FTO: variants seen among roughly 807,000 people sequenced by gnomAD.
The protein encoded by FTO is FTO alpha-ketoglutarate dependent dioxygenase.
A neutral mutation model predicts 63.9 loss-of-function variants in FTO; 47 were observed. The observed-to-expected ratio is 0.74, with a 90% CI of 0.58 to 0.94. FTO has a LOEUF of 0.94. FTO is among the 40% of genes least tolerant of loss of function. The probability of loss-of-function intolerance (pLI) is 0.00; values close to 1 mark genes in which losing one functional copy is unlikely to be tolerated. For missense variants in FTO, 562 were observed against 618.1 expected, an observed-to-expected ratio of 0.91 and a Z score of 0.96; for synonymous variants, 207 against 224.4, an observed-to-expected ratio of 0.92 and a Z score of 0.69.
intron 8 of FTO, among the ~76,000 whole-genome samples, chr16:54,024,663 C>T (rs1161411314): frequency 1.3e-5 from 2 of 152,182 alleles, no homozygotes; most frequent in Non-Finnish European, 2.9e-5. Flanking sequence ...TAACCATTCT[C>T]CCTCGGTTTT....
At chr16:53,789,736 A>G (rs1218548266) in intron 1 of FTO, among the ~76,000 whole-genome samples, 1 of 148,756 alleles carries the variant, frequency 6.7e-6, no homozygotes, top group Non-Finnish European at 1.5e-5. Flanking sequence ...TAAACTGTTT[A>G]TAGTGTCTGG....
intron 1 of FTO, among the ~76,000 whole-genome samples, chr16:53,776,985 G>T (rs1011934410): frequency 1.3e-5 from 2 of 152,106 alleles, no homozygotes; most frequent in African/African-American, 2.4e-5. Flanking sequence ...GGCATGCTGT[G>T]ATGTTCCATG....
At chr16:53,879,779 A>G in intron 5 of FTO, 65 bp from the exon 6 acceptor site, 1 of 1,571,962 alleles carries the variant, frequency 6.4e-7, no homozygotes, top group Non-Finnish European at 8.7e-7. Context: ...GAACAATCCT[A>G]GGAAGGATGG....
rs141591811 is a variant in FTO at position 54,002,862 on chromosome 16, T to C, written c.1364+68753T>C. Among the ~76,000 whole-genome samples, 30 of 152,282 alleles carry C rather than the reference T, an allele frequency of 2.0e-4. No individual in the cohort carries two copies. In the East Asian group the frequency reaches 5.4e-3, roughly 27 times the overall value. ...GGAAAATAGTGTAGAAGACCCTTTT[T>C]AAAAGTTAAATATAGAATTACCCTA... On this transcript the variant is annotated intron_variant, in intron 8 of 8. Transcript: ENST00000471389.
At chr16:53,826,520 C>T in intron 3 of FTO, 29 bp downstream of exon 3, 3 of 1,610,670 alleles carry the variant, frequency 1.9e-6, no homozygotes, top group Non-Finnish European at 2.5e-6. Context: ...AAAAGCAGCC[C>T]TGTATGTAAT....
intron 8 of FTO, among the ~76,000 whole-genome samples, chr16:54,020,134 T>C (rs1310847454): frequency 1.3e-5 from 2 of 152,208 alleles, no homozygotes; most frequent in African/African-American, 2.4e-5. Context: ...AACATGTTCC[T>C]GGATTGAAGA....
chr16:53,764,204 A>T (rs1420866010), intron 1 of FTO: 1 of 152,050 alleles, frequency 6.6e-6, no homozygotes, highest in Admixed American at 6.6e-5. Context: ...ACTTGTAGAA[A>T]CTCTTGATTG....
chr16:54,095,471 G>T (rs1378534273), intron 8 of FTO, among the ~76,000 whole-genome samples: 1 of 147,684 alleles, frequency 6.8e-6, no homozygotes, highest in Admixed American at 6.8e-5. Flanking sequence ...TGCTTGATTT[G>T]CTCCAGAACA....
intron 8 of FTO, among the ~76,000 whole-genome samples, chr16:53,943,897 C>G (rs1029809128): frequency 6.6e-6 from 1 of 152,158 alleles, no homozygotes; most frequent in African/African-American, 2.4e-5. Context: ...TTCAATTATC[C>G]GTACCGTGGT....
intron 1 of FTO, 94 bp downstream of exon 1, chr16:53,704,323 G>C: frequency 8.1e-7 from 1 of 1,238,866 alleles, no homozygotes; most frequent in Non-Finnish European, 1.2e-6. Context: ...GCGGATGCGC[G>C]GTGTTAAACT....
intron 8 of FTO, among the ~76,000 whole-genome samples, chr16:54,074,279 A>C (rs1371403027): frequency 1.3e-5 from 2 of 152,132 alleles, no homozygotes; most frequent in African/African-American, 4.8e-5. Context: ...TTTTTTAATT[A>C]ACATGTTTTA....
intron 1 of FTO, among the ~76,000 whole-genome samples, chr16:53,772,893 T>C (rs1244577609): frequency 6.6e-6 from 1 of 152,156 alleles, no homozygotes; most frequent in Non-Finnish European, 1.5e-5. Flanking sequence ...CAAAGTTTGC[T>C]ACTTTTCATA....
At chr16:53,890,016 C>A (rs1279685875) in intron 7 of FTO, among the ~76,000 whole-genome samples, 1 of 152,084 alleles carries the variant, frequency 6.6e-6, no homozygotes, top group African/African-American at 2.4e-5. Context: ...CGAGGTCACC[C>A]AGCTAATAGG....
intron 8 of FTO, among the ~76,000 whole-genome samples, chr16:54,103,272 G>A (rs1477087164): frequency 6.6e-6 from 1 of 152,190 alleles, no homozygotes. Flanking sequence ...TAAAGCACCT[G>A]AACAGCCTAT....
intron 8 of FTO, among the ~76,000 whole-genome samples, chr16:53,973,237 T>C (rs2083369954): frequency 6.6e-6 from 1 of 151,920 alleles, no homozygotes. Context: ...GTGGCAAGTC[T>C]ACTCAGCAGG....
intron 8 of FTO, among the ~76,000 whole-genome samples, chr16:53,942,090 C>CT (rs2082543304): frequency 6.6e-6 from 1 of 152,056 alleles, no homozygotes; most frequent in Non-Finnish European, 1.5e-5. Flanking sequence ...TGGCCTGTTG[C>CT]TTTTTTTGCT....
In FTO at chr16:53,934,105, G is replaced by A; in HGVS notation, c.1360G>A (p.Ala454Thr). The change falls in exon 8 of 9, where the codon GCC becomes ACC. Residue 454 changes from alanine to threonine, a missense_variant. By Grantham distance (58) the Ala-to-Thr change is moderately conservative (BLOSUM62 0). Transcript: ENST00000471389. ...ARQNLRREWHARCQSRIARTL... is the reference protein window; with the variant it reads ...ARQNLRREWHTRCQSRIARTL... ...CCAGAACCTGAGGAGAGAATGGCAT[G>A]CCAGGTTAGTTCTGTTGTGAAATGG... 1.2e-6 allele frequency: 2 copies of A among 1,614,180 alleles called. No individual in the cohort carries two copies. The highest frequency in any genetic ancestry group is 1.1e-5 in the South Asian group (1 of 91,088).
chr16:53,873,968 T>C, intron 5 of FTO, 103 bp downstream of exon 5: 1 of 867,740 alleles, frequency 1.2e-6, no homozygotes, highest in Non-Finnish European at 1.9e-6. Context: ...GATGGGAAAA[T>C]TGCTTCCATC....
chr16:54,086,800 A>G (rs775439220), intron 8 of FTO, among the ~76,000 whole-genome samples: 11 of 152,236 alleles, frequency 7.2e-5, no homozygotes, highest in Non-Finnish European at 1.2e-4. Flanking sequence ...ATGGAATTAA[A>G]GTTAAATGCC....
Sources: gnomAD v4.1 joint callset for allele counts (sites outside exome capture counted in the v4.1 genomes callset) on GRCh38, gnomAD v4.1.1 for gene constraint, MANE v1.5 for transcripts, NCBI Gene and HGNC (gene_info 2026-07-23, HGNC 2026-07-21) for gene names.